Variants in NRXN1 observed in about 807,000 individuals in gnomAD.
NRXN1 encodes neurexin 1, also known as neurexin-1.
Under a neutral mutation model 150.9 loss-of-function variants are expected in NRXN1, and 39 were observed. The observed-to-expected ratio is 0.26, with a 90% CI of 0.20 to 0.34. The LOEUF (loss-of-function observed/expected upper bound fraction) is 0.34. NRXN1 is among the 10% of genes least tolerant of loss of function. NRXN1 has a pLI of 1.00. For missense variants in NRXN1, 1,815 were observed against 1,949.9 expected, an observed-to-expected ratio of 0.93 and a Z score of 1.30; for synonymous variants, 924 against 757.0, an observed-to-expected ratio of 1.22 and a Z score of -3.62.
rs530987232 is a variant in NRXN1 at position 50,260,003 on chromosome 2, T to C, written c.3365-23033A>G. ...GGGTTATCTGCACTTCTTGTACCTT[T>C]CAATAGTGGGAGGAGAGAAGGAAAT... On this transcript the variant is annotated intron_variant, in intron 17 of 22. Coordinates refer to ENST00000401669, the MANE Select transcript of NRXN1 (RefSeq NM_001330078.2). Among the ~76,000 whole-genome samples, 23 of 151,966 alleles carry C rather than the reference T, an allele frequency of 1.5e-4. No individual in the cohort carries two copies. The Middle Eastern group carries it at 0.01, about 67-fold the overall frequency.
At chr2:50,380,197 C>T (rs192135485) in intron 17 of NRXN1, among the ~76,000 whole-genome samples, 3 of 152,024 alleles carry the variant, frequency 2.0e-5, no homozygotes, top group South Asian at 2.1e-4. Context: ...TGAAACTCAG[C>T]GAGCCTAGAG....
At chr2:49,927,823 A>C (rs1484535588) in intron 22 of NRXN1, among the ~76,000 whole-genome samples, 1 of 152,112 alleles carries the variant, frequency 6.6e-6, no homozygotes, top group Non-Finnish European at 1.5e-5. Flanking sequence ...ATTTTTATGA[A>C]ATTATTTTGT....
chr2:50,345,697 G>A (rs1000674075), intron 17 of NRXN1, among the ~76,000 whole-genome samples: 2 of 152,196 alleles, frequency 1.3e-5, no homozygotes, highest in African/African-American at 4.8e-5. Flanking sequence ...TCACTCTGGA[G>A]GAGAAAGCTG....
intron 5 of NRXN1, among the ~76,000 whole-genome samples, chr2:50,707,618 G>C (rs1215355744): frequency 6.6e-6 from 1 of 152,016 alleles, no homozygotes; most frequent in African/African-American, 2.4e-5. Flanking sequence ...AAGCTGCTAG[G>C]GCATTTTCAT....
chr2:50,706,787 G>C (rs139487632), intron 5 of NRXN1, among the ~76,000 whole-genome samples: 1,601 of 151,062 alleles, frequency 0.011, 36 homozygotes, highest in African/African-American at 0.036. Context: ...ACCAATATAA[G>C]TCATATGAAA....
intron 18 of NRXN1, among the ~76,000 whole-genome samples, chr2:50,168,605 G>C (rs760373290): frequency 2.0e-5 from 3 of 152,104 alleles, no homozygotes; most frequent in Admixed American, 6.6e-5. Flanking sequence ...ACATTTTTGA[G>C]GTTGCCAGAA....
intron 5 of NRXN1, chr2:50,898,556 G>T (rs770382236): frequency 2.1e-6 from 1 of 475,362 alleles, no homozygotes; most frequent in Non-Finnish European, 4.2e-6. Flanking sequence ...CCGTAGGGAG[G>T]TAGAAAATGA....
chr2:50,768,841 A>G (rs900021390), intron 5 of NRXN1, among the ~76,000 whole-genome samples: 7 of 151,680 alleles, frequency 4.6e-5, no homozygotes, highest in African/African-American at 1.2e-4. Flanking sequence ...CCCCCCATCA[A>G]TTTCCATACA....
chr2:50,488,931 G>A (rs1316147064), intron 15 of NRXN1, among the ~76,000 whole-genome samples: 2 of 152,180 alleles, frequency 1.3e-5, no homozygotes, highest in African/African-American at 2.4e-5. Context: ...ATCTCTGGAT[G>A]ACGATGAGGT....
At chr2:50,165,423 A>G (rs1014842182) in intron 18 of NRXN1, among the ~76,000 whole-genome samples, 1 of 152,064 alleles carries the variant, frequency 6.6e-6, no homozygotes. Context: ...ATCTCAGCTC[A>G]CCGCAACCTC....
chr2:50,359,620 A>G (rs2153008581), intron 17 of NRXN1, among the ~76,000 whole-genome samples: 1 of 152,242 alleles, frequency 6.6e-6, no homozygotes, highest in East Asian at 2.0e-4. Context: ...AAAAGACCAA[A>G]CCTACATTTG....
chr2:50,040,238 G>T (rs1028086287), intron 21 of NRXN1, among the ~76,000 whole-genome samples: 1 of 151,896 alleles, frequency 6.6e-6, no homozygotes, highest in African/African-American at 2.4e-5. Context: ...TACTAATGTG[G>T]ATACTTAAGA....
At chr2:50,693,121 A>G (rs1479958037) in intron 5 of NRXN1, among the ~76,000 whole-genome samples, 2 of 152,156 alleles carry the variant, frequency 1.3e-5, no homozygotes, top group African/African-American at 4.8e-5. Flanking sequence ...ACACTTGAAT[A>G]GTTTCTGATA....
At chr2:50,738,324 T>C (rs13006909) in intron 5 of NRXN1, among the ~76,000 whole-genome samples, 33,118 of 152,176 alleles carry the variant, frequency 0.22, 3,913 homozygotes, top group Non-Finnish European at 0.27. Context: ...CCTCCACAGT[T>C]TGCTGGAAGT....
chr2:50,699,688 A>G (rs568258390), intron 5 of NRXN1, among the ~76,000 whole-genome samples: 1 of 152,178 alleles, frequency 6.6e-6, no homozygotes, highest in African/African-American at 2.4e-5. Flanking sequence ...CTTGAAGCAG[A>G]CTTAGCCTCA....
intron 5 of NRXN1, among the ~76,000 whole-genome samples, chr2:50,881,388 G>T (rs1057478155): frequency 6.6e-6 from 1 of 151,872 alleles, no homozygotes; most frequent in African/African-American, 2.4e-5. Flanking sequence ...ATTGAATCCT[G>T]TTTCTGGCAT....
chr2:50,260,698 C>T (rs28463997), intron 17 of NRXN1, among the ~76,000 whole-genome samples: 14,429 of 138,170 alleles, frequency 0.1, 846 homozygotes, highest in East Asian at 0.18. Context: ...ACAGACCTAA[C>T]CTGTAGAAAT....
At chr2:50,531,990 C>T (rs895544594) in intron 10 of NRXN1, among the ~76,000 whole-genome samples, 21 of 152,016 alleles carry the variant, frequency 1.4e-4, no homozygotes, top group African/African-American at 2.4e-4. Flanking sequence ...GGACCACAGG[C>T]GCATGACACC....
intron 2 of NRXN1, chr2:50,985,305 G>C (rs1697516450): frequency 6.6e-6 from 1 of 151,816 alleles, no homozygotes; most frequent in South Asian, 2.1e-4. Flanking sequence ...CTTTAAAAGA[G>C]CTATGCCAAT....
Sources: allele counts gnomAD v4.1 joint callset (sites outside exome capture counted in the v4.1 genomes callset), GRCh38; gene constraint gnomAD v4.1.1; transcripts MANE v1.5; gene names NCBI Gene and HGNC (gene_info 2026-07-23, HGNC 2026-07-21).